Variants in CHRM3 observed in about 807,000 individuals in gnomAD.
CHRM3 encodes the protein cholinergic receptor muscarinic 3, also known as muscarinic acetylcholine receptor M3.
Under a neutral mutation model 41.8 loss-of-function variants are expected in CHRM3, and 11 were observed. The observed-to-expected ratio is 0.26, with a 90% CI of 0.17 to 0.44. The LOEUF (loss-of-function observed/expected upper bound fraction) is 0.44, where lower values mean the gene tolerates loss of function less well. CHRM3 is among the 20% of genes least tolerant of loss of function. The pLI, the probability that CHRM3 is intolerant of heterozygous loss-of-function variation, is 1.00. For synonymous variants in CHRM3, 297 were observed against 301.4 expected, an observed-to-expected ratio of 0.99 and a Z score of 0.15; for missense variants, 571 against 745.4, an observed-to-expected ratio of 0.77 and a Z score of 2.72.
intron 5 of CHRM3, among the ~76,000 whole-genome samples, chr1:239,757,384 T>A (rs1323146872): frequency 6.6e-6 from 1 of 152,044 alleles, no homozygotes; most frequent in Non-Finnish European, 1.5e-5. Flanking sequence ...ATCCCAGCAC[T>A]TTAGGAGGCC....
chr1:239,758,837 C>T (rs73122577), intron 5 of CHRM3, among the ~76,000 whole-genome samples: 9,485 of 152,182 alleles, frequency 0.062, 732 homozygotes, highest in African/African-American at 0.17. Flanking sequence ...GCAAGTTGGT[C>T]TCATAGATAT....
chr1:239,395,188 A>G (rs959467839), intron 1 of CHRM3, among the ~76,000 whole-genome samples: 2 of 152,072 alleles, frequency 1.3e-5, no homozygotes, highest in African/African-American at 2.4e-5. Flanking sequence ...TGCAGAGTGT[A>G]GGGCTTTCCA....
intron 2 of CHRM3, among the ~76,000 whole-genome samples, chr1:239,532,180 T>A (rs1007899026): frequency 6.8e-5 from 10 of 146,404 alleles, no homozygotes; most frequent in East Asian, 2.1e-4. Flanking sequence ...CCCGGCTAAT[T>A]ATTTGTATTT....
chr1:239,597,911 T>C (rs1664994662), intron 3 of CHRM3, among the ~76,000 whole-genome samples: 1 of 150,844 alleles, frequency 6.6e-6, no homozygotes, highest in South Asian at 2.1e-4. Flanking sequence ...TCTTTCTTTC[T>C]CTCTGAGAAC....
At chr1:239,567,187 C>T (rs1345016570) in intron 3 of CHRM3, among the ~76,000 whole-genome samples, 2 of 151,850 alleles carry the variant, frequency 1.3e-5, no homozygotes, top group East Asian at 3.9e-4. Flanking sequence ...CTCATTAAAA[C>T]TGGTAAGCTG....
chr1:239,535,049 A>G (rs893039556), intron 2 of CHRM3, among the ~76,000 whole-genome samples: 3 of 152,208 alleles, frequency 2.0e-5, no homozygotes, highest in African/African-American at 7.2e-5. Context: ...TACATTTTAG[A>G]TGGATCTTTT....
chr1:239,809,241 C>T (rs1237120174), intron 5 of CHRM3, among the ~76,000 whole-genome samples: 2 of 151,836 alleles, frequency 1.3e-5, no homozygotes, highest in Non-Finnish European at 1.5e-5. Flanking sequence ...AGGATGGTCT[C>T]GATCTCCTGA....
intron 4 of CHRM3, among the ~76,000 whole-genome samples, chr1:239,637,045 T>C (rs1032175678): frequency 1.3e-5 from 2 of 152,176 alleles, no homozygotes; most frequent in African/African-American, 4.8e-5. Context: ...ATAAAAAGTA[T>C]TGGGAGGAAT....
chr1:239,850,000 G>T (rs969490011), intron 6 of CHRM3, among the ~76,000 whole-genome samples: 2 of 151,938 alleles, frequency 1.3e-5, no homozygotes, highest in African/African-American at 4.8e-5. Flanking sequence ...AAATTCCTGG[G>T]AAAATAAATA....
intron 6 of CHRM3, among the ~76,000 whole-genome samples, chr1:239,868,874 G>A (rs952548084): frequency 3.3e-5 from 5 of 152,096 alleles, no homozygotes; most frequent in Admixed American, 6.5e-5. Context: ...TTTGAGCCCC[G>A]GTTTCAAGAT....
chr1:239,543,789 C>T (rs1572660458), intron 2 of CHRM3, among the ~76,000 whole-genome samples: 1 of 151,910 alleles, frequency 6.6e-6, no homozygotes, highest in Admixed American at 6.6e-5. Context: ...ATTACAGGTG[C>T]GAGCCACCGC....
chr1:239,690,978 A>G (rs1393577513), intron 5 of CHRM3, among the ~76,000 whole-genome samples: 1 of 152,126 alleles, frequency 6.6e-6, no homozygotes, highest in Non-Finnish European at 1.5e-5. Flanking sequence ...GTAGCAGAAC[A>G]GCAGATACCT....
intron 6 of CHRM3, among the ~76,000 whole-genome samples, chr1:239,830,158 A>G (rs1333090950): frequency 6.6e-6 from 1 of 152,210 alleles, no homozygotes; most frequent in African/African-American, 2.4e-5. Context: ...AGTGGGCCTA[A>G]GTATTTGTGG....
At chr1:239,673,783 T>C (rs192749662) in intron 4 of CHRM3, among the ~76,000 whole-genome samples, 3 of 152,318 alleles carry the variant, frequency 2.0e-5, no homozygotes, top group East Asian at 3.9e-4. Context: ...TTATCACTTA[T>C]GGCTACTTAA....
chr1:239,646,714 G>A (rs1573109154), intron 4 of CHRM3, among the ~76,000 whole-genome samples: 1 of 151,936 alleles, frequency 6.6e-6, no homozygotes, highest in Admixed American at 6.6e-5. Flanking sequence ...TGGGTGTGTG[G>A]GTTATGAGGA....
intron 5 of CHRM3, among the ~76,000 whole-genome samples, chr1:239,793,143 TC>T (rs2148873752): frequency 6.6e-6 from 1 of 152,326 alleles, no homozygotes; most frequent in South Asian, 2.1e-4. Context: ...ATCACTGCTG[TC>T]TTTTGGTTTG....
At chr1:239,388,039 G>T (rs1052354491) in intron 1 of CHRM3, among the ~76,000 whole-genome samples, 13 of 152,276 alleles carry the variant, frequency 8.5e-5, no homozygotes, top group African/African-American at 2.9e-4. Flanking sequence ...CGCGGTGTGC[G>T]TGCTGGAATT....
intron 5 of CHRM3, among the ~76,000 whole-genome samples, chr1:239,723,310 G>A (rs144274286): frequency 4.5e-4 from 68 of 151,920 alleles, no homozygotes; most frequent in Middle Eastern, 3.4e-3. Context: ...AAAAATAAAT[G>A]CATTCTAAAG....
intron 5 of CHRM3, chr1:239,705,781 T>C (rs1270505702): frequency 6.6e-5 from 10 of 152,124 alleles, no homozygotes; most frequent in Admixed American, 6.6e-4. Flanking sequence ...GATATATATA[T>C]ATATCAAGTA....
Sources: gnomAD v4.1 joint callset for allele counts (sites outside exome capture counted in the v4.1 genomes callset) on GRCh38, gnomAD v4.1.1 for gene constraint, MANE v1.5 for transcripts, NCBI Gene and HGNC (gene_info 2026-07-23, HGNC 2026-07-21) for gene names.